RCSD1: variants seen among roughly 807,000 people sequenced by gnomAD.
RCSD1 encodes the protein capZ-interacting protein.
RCSD1 carries 26 observed loss-of-function variants against 42.5 expected under a neutral mutation model. The observed-to-expected ratio is 0.61, with a 90% CI of 0.45 to 0.85. The LOEUF (loss-of-function observed/expected upper bound fraction) is 0.85. Ranked by LOEUF, RCSD1 falls within the 40% of genes least tolerant of loss-of-function variation. The pLI is 0.00. For synonymous variants in RCSD1, 220 were observed against 212.2 expected, an observed-to-expected ratio of 1.04 and a Z score of -0.32; for missense variants, 571 against 528.3, an observed-to-expected ratio of 1.08 and a Z score of -0.79.
intron 6 of RCSD1, among the ~76,000 whole-genome samples, chr1:167,702,001 T>TTAGGTGG (rs1659656669): frequency 6.6e-6 from 1 of 152,234 alleles, no homozygotes; most frequent in Non-Finnish European, 1.5e-5. Context: ...CCCATCTTGT[T>TTAGGTGG]CCTCTGTCGG....
At chr1:167,683,228 C>T (rs1178395120) in intron 1 of RCSD1, among the ~76,000 whole-genome samples, 2 of 152,134 alleles carry the variant, frequency 1.3e-5, no homozygotes, top group Admixed American at 1.3e-4. Context: ...TTGTCCCAGC[C>T]CTCTGGGTAT....
intron 3 of RCSD1, among the ~76,000 whole-genome samples, chr1:167,688,342 A>T (rs1230500766): frequency 6.6e-6 from 1 of 152,166 alleles, no homozygotes; most frequent in East Asian, 1.9e-4. Flanking sequence ...CAGTTTCTAA[A>T]AGTTTCTCTG....
At chr1:167,681,018 G>A (rs1659070258) in intron 1 of RCSD1, among the ~76,000 whole-genome samples, 1 of 152,188 alleles carries the variant, frequency 6.6e-6, no homozygotes. Context: ...GTTAGCAGCT[G>A]TACCTGCCAG....
At chr1:167,672,855 G>A (rs556533028) in intron 1 of RCSD1, among the ~76,000 whole-genome samples, 1 of 152,262 alleles carries the variant, frequency 6.6e-6, no homozygotes, top group African/African-American at 2.4e-5. Context: ...TCCACAGTAG[G>A]CCATAGACTC....
intron 4 of RCSD1, among the ~76,000 whole-genome samples, chr1:167,693,159 C>T (rs936735517): frequency 7.9e-5 from 12 of 152,224 alleles, no homozygotes; most frequent in African/African-American, 2.9e-4. Context: ...TCCATCCCTT[C>T]TCTGTGAAGT....
rs531219491 is a variant in RCSD1, at chr1:167,689,451, C to A, written c.199-598C>A. Reference sequence around the variant, plus strand: ...GAGCCGAGATTGCGCCATTGCACTCCAGATTGAGGAACAAGCAGGACTCTG... The same window carrying A: ...GAGCCGAGATTGCGCCATTGCACTCAAGATTGAGGAACAAGCAGGACTCTG... On this transcript the variant is annotated intron_variant, in intron 3 of 6. Transcript: ENST00000367854. 8.5e-5 allele frequency among the ~76,000 whole-genome samples: 12 copies of A among 141,028 alleles called. No individual in the cohort carries two copies. In the South Asian group the frequency reaches 2.7e-3, roughly 31 times the overall value. 92.5% of individuals were successfully genotyped at this position (141,028 alleles called of 152,430 possible). A position where few individuals can be genotyped will look rare whatever the true frequency, so the allele number is the denominator to read the frequency against.
In RCSD1 at chr1:167,698,960, C is replaced by T. The variant is rs545425265; in HGVS notation, c.1218+1118C>T. On this transcript the variant is annotated intron_variant, in intron 6 of 6. Transcript: ENST00000367854. ...GACCACAGGCGCCCGCCACCACGCC[C>T]GGCTAATTTTTTGTATTTTTAGTGG... 1.3e-3 allele frequency among the ~76,000 whole-genome samples: 204 copies of T among 152,106 alleles called. 2 individuals are homozygous for T. Among genetic ancestry groups the T allele is most frequent in the African/African-American group, 4.8e-3 (199 of 41,500 alleles).
At chr1:167,685,375 A>C in intron 2 of RCSD1, 46 bp from the exon 3 acceptor site, 1 of 1,500,216 alleles carries the variant, frequency 6.7e-7, no homozygotes, top group Non-Finnish European at 9.2e-7. Flanking sequence ...TTGCCTGATC[A>C]GTGCTCTCTT....
At position 167,697,254 on chromosome 1, in the gene RCSD1, G is replaced by A; in HGVS notation, c.630G>A (p.Lys210=). ...EEDGDEVLPS[K]SKAPGSPLSS... ...ATGGGGATGAAGTGTTGCCATCCAAGAGCAAGGCCCCAGGATCCCCTTTGT... is the reference window on the plus strand; with the variant it reads ...ATGGGGATGAAGTGTTGCCATCCAAAAGCAAGGCCCCAGGATCCCCTTTGT... The change falls in exon 6 of 7, where the codon AAG becomes AAA. Residue 210 remains lysine (K), a synonymous_variant. Transcript: ENST00000367854. The A allele has an allele frequency of 1.2e-6, 2 of 1,614,192 alleles. No homozygotes were observed. Among genetic ancestry groups the A allele is most frequent in the Non-Finnish European group, 1.7e-6 (2 of 1,180,042 alleles).
At chr1:167,667,073 A>T (rs1658676066) in intron 1 of RCSD1, among the ~76,000 whole-genome samples, 1 of 150,754 alleles carries the variant, frequency 6.6e-6, no homozygotes, top group African/African-American at 2.5e-5. Flanking sequence ...AGTTTATTTT[A>T]AAAACTCAGC....
At chr1:167,671,773 G>T (rs946786779) in intron 1 of RCSD1, among the ~76,000 whole-genome samples, 5 of 152,184 alleles carry the variant, frequency 3.3e-5, no homozygotes, top group Admixed American at 3.3e-4. Context: ...ACCCTCCAGT[G>T]ACCTCAGATG....
chr1:167,652,429 C>T (rs567417033), intron 1 of RCSD1, among the ~76,000 whole-genome samples: 145 of 152,178 alleles, frequency 9.5e-4, no homozygotes, highest in Non-Finnish European at 1.6e-3. Flanking sequence ...GAAACCTCAC[C>T]GGGCCCAGAT....
intron 3 of RCSD1, among the ~76,000 whole-genome samples, chr1:167,686,048 T>C (rs575594119): frequency 2.6e-5 from 4 of 152,320 alleles, no homozygotes; most frequent in African/African-American, 9.6e-5. Flanking sequence ...TAGCCAACGT[T>C]ACCAACATAA....
chr1:167,701,247 G>A (rs1370582959), intron 6 of RCSD1, among the ~76,000 whole-genome samples: 2 of 128,640 alleles, frequency 1.6e-5, no homozygotes, highest in Non-Finnish European at 3.5e-5. Flanking sequence ...TAACCCAATT[G>A]CCTAGTTTCT....
chr1:167,691,677 G>T (rs1463386597), intron 4 of RCSD1, among the ~76,000 whole-genome samples: 1 of 152,254 alleles, frequency 6.6e-6, no homozygotes, highest in African/African-American at 2.4e-5. Context: ...GGAGAGCCTA[G>T]GGATTTGGAT....
chr1:167,646,502 GT>G (rs1553248287), intron 1 of RCSD1, among the ~76,000 whole-genome samples: 1 of 88,662 alleles, frequency 1.1e-5, no homozygotes, highest in African/African-American at 5.2e-5. Context: ...GAGACTTAGA[GT>G]TTTTTTTCTT....
intron 5 of RCSD1, 71 bp from the exon 6 acceptor site, chr1:167,697,028 A>G (rs1350902144): frequency 7.1e-7 from 1 of 1,414,372 alleles, no homozygotes; most frequent in Non-Finnish European, 9.6e-7. Context: ...TGACATTGAA[A>G]GTGCATACAG....
At chr1:167,673,691 A>G (rs977260456) in intron 1 of RCSD1, among the ~76,000 whole-genome samples, 1 of 152,234 alleles carries the variant, frequency 6.6e-6, no homozygotes, top group African/African-American at 2.4e-5. Flanking sequence ...TGGACAAGCC[A>G]CATCTTTCAA....
chr1:167,689,914 T>C, intron 3 of RCSD1, 135 bp from the exon 4 acceptor site: 2 of 753,190 alleles, frequency 2.7e-6, no homozygotes, highest in South Asian at 1.7e-5. Flanking sequence ...TAATGAAGTA[T>C]GTGGGCTACT....
Sources: gnomAD v4.1 joint callset for allele counts (sites outside exome capture counted in the v4.1 genomes callset) on GRCh38, gnomAD v4.1.1 for gene constraint, MANE v1.5 for transcripts, NCBI Gene and HGNC (gene_info 2026-07-23, HGNC 2026-07-21) for gene names.